The following CALN1 variants were observed in gnomAD, a reference collection of about 807,000 sequenced individuals.
CALN1 encodes the protein calneuron 1.
In CALN1, 17 loss-of-function variants were observed where a neutral mutation model predicts 30.6. The observed-to-expected ratio is 0.56, with a 90% CI of 0.38 to 0.83. The LOEUF (loss-of-function observed/expected upper bound fraction) is 0.83, where lower values mean the gene tolerates loss of function less well. Among genes scored for constraint, CALN1 ranks in the 40% least tolerant of loss-of-function variants. CALN1 has a pLI of 0.00. For missense variants in CALN1, 291 were observed against 354.9 expected (o/e 0.82, Z 1.45); for synonymous variants, 156 against 131.4 (o/e 1.19, Z -1.28).
chr7:71,983,678 C>A (rs980105904), intron 5 of CALN1, among the ~76,000 whole-genome samples: 8 of 152,060 alleles, frequency 5.3e-5, no homozygotes, highest in Non-Finnish European at 4.4e-5. Flanking sequence ...ATTACAGGTG[C>A]CCGCTACCAT....
intron 5 of CALN1, among the ~76,000 whole-genome samples, chr7:71,967,293 C>A (rs1218444736): frequency 6.6e-6 from 1 of 151,948 alleles, no homozygotes; most frequent in Non-Finnish European, 1.5e-5. Flanking sequence ...ATAATGAACA[C>A]ACGAGATATA....
At chr7:71,849,650 T>C (rs1187209583) in intron 5 of CALN1, among the ~76,000 whole-genome samples, 1 of 152,170 alleles carries the variant, frequency 6.6e-6, no homozygotes, top group Admixed American at 6.6e-5. Flanking sequence ...TTAGAGTAAC[T>C]TTTTCTTTTA....
chr7:72,117,945 G>A (rs570370397), intron 3 of CALN1, among the ~76,000 whole-genome samples: 40 of 142,528 alleles, frequency 2.8e-4, no homozygotes, highest in Non-Finnish European at 5.1e-4. Flanking sequence ...GCGACAGTGC[G>A]AGACACCGTC....
chr7:72,015,833 C>T (rs1048659812), intron 5 of CALN1, among the ~76,000 whole-genome samples: 15 of 152,118 alleles, frequency 9.9e-5, no homozygotes, highest in African/African-American at 3.6e-4. Flanking sequence ...TGAATGCTTC[C>T]CATATTCCAT....
In CALN1 at chr7:72,397,712, T is replaced by TCCCACACACACACACA. The variant is rs1248212217; in HGVS notation, c.119+5538_119+5539insTGTGTGTGTGTGTGGG. Among the ~76,000 whole-genome samples, 3 of 70,290 alleles carry TCCCACACACACACACA rather than the reference T, an allele frequency of 4.3e-5. No homozygotes were observed. In the East Asian group the frequency reaches 2.1e-3, roughly 50 times the overall value. The allele number at this position is 70,290 out of a possible 152,430, so 46.1% of individuals were successfully genotyped here. A position where few individuals can be genotyped will look rare whatever the true frequency, so the allele number is the denominator to read the frequency against. ...GGGATCTTGGAGAGCACCCATTCTC[T>TCCCACACACACACACA]CTCACACACACACACACACACACAC... On this transcript the variant is annotated intron_variant, in intron 2 of 6. Transcript: ENST00000395275.
At chr7:72,420,962 C>T (rs1262440382) in intron 1 of CALN1, among the ~76,000 whole-genome samples, 1 of 152,006 alleles carries the variant, frequency 6.6e-6, no homozygotes, top group Non-Finnish European at 1.5e-5. Flanking sequence ...CATATAATAA[C>T]TTCTTTCCTT....
intron 3 of CALN1, among the ~76,000 whole-genome samples, chr7:72,248,880 C>A (rs989610944): frequency 1.3e-5 from 2 of 151,730 alleles, no homozygotes; most frequent in Non-Finnish European, 2.9e-5. Flanking sequence ...AGTCTATAAT[C>A]GATCATGTTT....
chr7:71,889,839 T>C (rs550958239), intron 5 of CALN1, among the ~76,000 whole-genome samples: 11 of 152,120 alleles, frequency 7.2e-5, no homozygotes, highest in Admixed American at 2.6e-4. Flanking sequence ...CCTGTAATCC[T>C]AGCTCTGTAA....
chr7:72,021,684 G>A (rs756337635), intron 5 of CALN1, among the ~76,000 whole-genome samples: 1 of 152,158 alleles, frequency 6.6e-6, no homozygotes, highest in Non-Finnish European at 1.5e-5. Context: ...TCTGGGACCA[G>A]GTCCCATCTC....
intron 2 of CALN1, among the ~76,000 whole-genome samples, chr7:72,332,555 T>G (rs535745042): frequency 6.6e-5 from 10 of 151,770 alleles, no homozygotes; most frequent in African/African-American, 2.4e-4. Context: ...TCAATAATAA[T>G]AGAAAAGGTT....
chr7:72,182,272 GA>G (rs1199881555), intron 3 of CALN1, among the ~76,000 whole-genome samples: 1 of 150,078 alleles, frequency 6.7e-6, no homozygotes, highest in Non-Finnish European at 1.5e-5. Context: ...GTCATGCTCT[GA>G]AAAAAAAAGC....
At chr7:72,401,247 A>G (rs532202024) in intron 2 of CALN1, among the ~76,000 whole-genome samples, 1 of 152,288 alleles carries the variant, frequency 6.6e-6, no homozygotes, top group East Asian at 1.9e-4. Context: ...ACTCTGAGAG[A>G]TAACATTACT....
At chr7:72,488,954 A>G in the CALN1 span, among the ~76,000 whole-genome samples, 2 of 152,194 alleles carry the variant, frequency 1.3e-5, no homozygotes, top group African/African-American at 4.8e-5. Context: ...TTACTCATGG[A>G]AGCTGGAAGC....
At chr7:72,462,565 C>G in the CALN1 span, among the ~76,000 whole-genome samples, 1 of 152,144 alleles carries the variant, frequency 6.6e-6, no homozygotes, top group African/African-American at 2.4e-5. Context: ...GGAGAAAATC[C>G]CACAATACTG....
intron 3 of CALN1, among the ~76,000 whole-genome samples, chr7:72,169,432 G>A (rs1302124214): frequency 6.6e-6 from 1 of 151,414 alleles, no homozygotes; most frequent in Non-Finnish European, 1.5e-5. Context: ...TGATTCTCCT[G>A]TCTCAGCTTC....
At chr7:72,163,402 A>AAAC (rs1308837286) in intron 3 of CALN1, among the ~76,000 whole-genome samples, 1 of 151,434 alleles carries the variant, frequency 6.6e-6, no homozygotes, top group African/African-American at 2.4e-5. Context: ...TAAAAAAAAA[A>AAAC]AAAAAAAACA....
intron 4 of CALN1, among the ~76,000 whole-genome samples, chr7:72,044,517 A>C (rs1802338153): frequency 6.6e-6 from 1 of 151,760 alleles, no homozygotes; most frequent in Non-Finnish European, 1.5e-5. Flanking sequence ...CAGGCCTCTC[A>C]ATTGCATCAA....
chr7:72,108,278 C>T (rs1347218426), intron 3 of CALN1, among the ~76,000 whole-genome samples: 1 of 152,326 alleles, frequency 6.6e-6, no homozygotes, highest in South Asian at 2.1e-4. Context: ...CTCAGATAAT[C>T]CAAGATAATC....
chr7:72,230,977 G>A lies in CALN1; in HGVS notation c.244+47709C>T, dbSNP rs75788805. ...TGCATGCCATTCCAAGGAGCGTGAT[G>A]AAATCTTATACCATCCCAAACTGCC... is the stretch of plus-strand genomic sequence containing the variant. On this transcript the variant is annotated intron_variant, in intron 3 of 6. Transcript: ENST00000395275. 1.6e-3 allele frequency among the ~76,000 whole-genome samples: 251 copies of A among 152,236 alleles called. 7 individuals carry two copies. In the East Asian group the frequency reaches 0.041, roughly 25 times the overall value.
Sources: allele counts gnomAD v4.1 joint callset (sites outside exome capture counted in the v4.1 genomes callset), GRCh38; gene constraint gnomAD v4.1.1; transcripts MANE v1.5; gene names NCBI Gene and HGNC (gene_info 2026-07-23, HGNC 2026-07-21).